The following SCFD2 variants were observed in gnomAD, a reference collection of about 807,000 sequenced individuals.
The protein encoded by SCFD2 is sec1 family domain-containing protein 2.
A neutral mutation model predicts 58.9 loss-of-function variants in SCFD2; 54 were observed. That is an observed-to-expected ratio of 0.92 (90% CI 0.74 to 1.15). The LOEUF (loss-of-function observed/expected upper bound fraction) is 1.15, where lower values mean the gene tolerates loss of function less well. Among genes scored for constraint, SCFD2 ranks in the 50% most tolerant of loss-of-function variants. The pLI is 0.00. For missense variants in SCFD2, 805 were observed against 836.6 expected, an observed-to-expected ratio of 0.96 and a Z score of 0.47; for synonymous variants, 321 against 335.9, an observed-to-expected ratio of 0.96 and a Z score of 0.49.
chr4:53,055,377 G>A (rs1383162538), intron 5 of SCFD2, among the ~76,000 whole-genome samples: 1 of 152,108 alleles, frequency 6.6e-6, no homozygotes, highest in Non-Finnish European at 1.5e-5. Flanking sequence ...GCAGAAAAGT[G>A]GCATGGCCTC....
At chr4:53,198,999 T>C (rs192201950) in intron 4 of SCFD2, among the ~76,000 whole-genome samples, 83 of 152,160 alleles carry the variant, frequency 5.5e-4, no homozygotes, top group African/African-American at 1.9e-3. Context: ...TCCTGAAACA[T>C]CTGTTTGAAA....
At chr4:53,110,107 T>C (rs1577735734) in intron 5 of SCFD2, among the ~76,000 whole-genome samples, 2 of 149,018 alleles carry the variant, frequency 1.3e-5, no homozygotes, top group African/African-American at 4.9e-5. Context: ...AACCATCTGA[T>C]CTTTAACAAA....
intron 2 of SCFD2, among the ~76,000 whole-genome samples, chr4:53,327,361 C>T (rs1733236761): frequency 6.6e-6 from 1 of 152,178 alleles, no homozygotes; most frequent in East Asian, 1.9e-4. Flanking sequence ...AGAAGGGTGT[C>T]TGTGTAGGGG....
chr4:53,281,163 A>G (rs1302601750), intron 3 of SCFD2, among the ~76,000 whole-genome samples: 2 of 152,228 alleles, frequency 1.3e-5, no homozygotes, highest in African/African-American at 2.4e-5. Context: ...CCAACAAGCT[A>G]CTGTAAACTC....
intron 4 of SCFD2, among the ~76,000 whole-genome samples, chr4:53,147,307 T>C (rs1726363141): frequency 6.6e-6 from 1 of 152,254 alleles, no homozygotes; most frequent in Non-Finnish European, 1.5e-5. Flanking sequence ...AACATGTTGC[T>C]CAATGTTGTT....
chr4:53,205,811 G>A (rs1269030548), intron 4 of SCFD2, among the ~76,000 whole-genome samples: 5 of 151,126 alleles, frequency 3.3e-5, no homozygotes, highest in African/African-American at 1.2e-4. Context: ...GCAGTGAGCC[G>A]AGACTGAGCC....
intron 5 of SCFD2, among the ~76,000 whole-genome samples, chr4:53,002,902 A>G (rs1230651111): frequency 6.6e-6 from 1 of 152,228 alleles, no homozygotes; most frequent in Non-Finnish European, 1.5e-5. Flanking sequence ...GGCGGAAGGC[A>G]AAACGGGAGC....
intron 4 of SCFD2, among the ~76,000 whole-genome samples, chr4:53,196,395 T>C (rs1231696438): frequency 1.3e-5 from 2 of 152,198 alleles, no homozygotes; most frequent in Non-Finnish European, 2.9e-5. Context: ...TCCTTCCTAC[T>C]TGCAGTCCAC....
Position 53,071,654 on chromosome 4 carries a change from A to T in SCFD2, c.1561+73679T>A, listed in dbSNP as rs539539836. 2.0e-5 allele frequency among the ~76,000 whole-genome samples: 3 copies of T among 152,228 alleles called. No homozygotes were observed. The East Asian group carries it at 5.8e-4, about 29-fold the overall frequency. ...TAATAATGCAGTAAAAATTATAACC[A>T]ATGTGAATGATTCTAAATCCCATGG... On this transcript the variant is annotated intron_variant, in intron 5 of 8. Coordinates refer to ENST00000401642, the MANE Select transcript of SCFD2 (RefSeq NM_152540.4).
At chr4:53,237,637 C>CG (rs1560402854) in intron 4 of SCFD2, among the ~76,000 whole-genome samples, 42 of 113,368 alleles carry the variant, frequency 3.7e-4, no homozygotes, top group African/African-American at 1.4e-3. Context: ...GCTGGCCGGG[C>CG]GGGGGGCTGA....
rs114615843 is a variant in SCFD2, at chr4:53,076,515, G to A, written c.1561+68818C>T. 2.6e-3 allele frequency among the ~76,000 whole-genome samples: 400 copies of A among 152,134 alleles called. 2 individuals carry two copies. The highest frequency in any genetic ancestry group is 4.3e-3 in the Non-Finnish European group (291 of 68,018). On this transcript the variant is annotated intron_variant, in intron 5 of 8. Transcript: ENST00000401642. ...GTCAGACTCATTCCCAAGCCACTCC[G>A]GGGCTAAGCAAATGCGCTGATATCT...
At position 53,311,696 on chromosome 4, in the gene SCFD2, C is replaced by G. The variant is rs543721694; in HGVS notation, c.1135+1940G>C. On this transcript the variant is annotated intron_variant, in intron 3 of 8. Transcript: ENST00000401642. Reference sequence around the variant, plus strand: ...CTGTTGCCAGGCTGGAGTGCAGTGGCGCAATCTCAGCTCACTGGAACCTCT... The same window carrying G: ...CTGTTGCCAGGCTGGAGTGCAGTGGGGCAATCTCAGCTCACTGGAACCTCT... Among the ~76,000 whole-genome samples, 16 of 151,542 alleles carry G rather than the reference C, an allele frequency of 1.1e-4. No homozygotes were observed. The East Asian group carries it at 2.5e-3, about 24-fold the overall frequency.
At chr4:53,009,020 G>A (rs1722040012) in intron 5 of SCFD2, among the ~76,000 whole-genome samples, 1 of 152,156 alleles carries the variant, frequency 6.6e-6, no homozygotes, top group African/African-American at 2.4e-5. Context: ...AAAGCACTGT[G>A]GGGACTCTAA....
intron 4 of SCFD2, among the ~76,000 whole-genome samples, chr4:53,196,723 C>T (rs561316964): frequency 2.0e-5 from 3 of 151,290 alleles, no homozygotes; most frequent in South Asian, 2.1e-4. Flanking sequence ...GAAATCATTT[C>T]GTTAAAGCAA....
At chr4:53,055,926 C>T (rs1023794248) in intron 5 of SCFD2, among the ~76,000 whole-genome samples, 6 of 152,188 alleles carry the variant, frequency 3.9e-5, no homozygotes, top group African/African-American at 7.2e-5. Flanking sequence ...AAGAGCCACC[C>T]GCCTCTTAGA....
At chr4:53,024,631 T>A (rs1449022728) in intron 5 of SCFD2, among the ~76,000 whole-genome samples, 1 of 151,680 alleles carries the variant, frequency 6.6e-6, no homozygotes, top group Non-Finnish European at 1.5e-5. Context: ...AAAATAAAAA[T>A]AAAATATTCC....
At chr4:53,218,904 T>C (rs559224637) in intron 4 of SCFD2, among the ~76,000 whole-genome samples, 12 of 152,228 alleles carry the variant, frequency 7.9e-5, no homozygotes, top group Non-Finnish European at 1.3e-4. Flanking sequence ...GGATGTCCAC[T>C]CCAGACCCTG....
intron 3 of SCFD2, among the ~76,000 whole-genome samples, chr4:53,307,950 T>A (rs1026849622): frequency 1.3e-5 from 2 of 152,212 alleles, no homozygotes; most frequent in Non-Finnish European, 2.9e-5. Flanking sequence ...GCCTTGAGGT[T>A]TCCCTCTAGT....
In SCFD2 at chr4:53,192,236, G is replaced by T. The variant is rs576152242; in HGVS notation, c.1312-46654C>A. On this transcript the variant is annotated intron_variant, in intron 4 of 8. Coordinates refer to ENST00000401642, the MANE Select transcript of SCFD2 (RefSeq NM_152540.4). ...ACCACTGTCCCCACGACTCCCTATT[G>T]TCTTACATCTTGTTTCTACTGCCTG... 7.4e-4 allele frequency among the ~76,000 whole-genome samples: 113 copies of T among 152,208 alleles called. 1 individual carries two copies. Among genetic ancestry groups the T allele is most frequent in the Admixed American group, 5.9e-4 (9 of 15,288 alleles).
Sources: gnomAD v4.1 joint callset for allele counts (sites outside exome capture counted in the v4.1 genomes callset) on GRCh38, gnomAD v4.1.1 for gene constraint, MANE v1.5 for transcripts, NCBI Gene and HGNC (gene_info 2026-07-23, HGNC 2026-07-21) for gene names.